Variants in MYO10 observed in about 807,000 individuals in gnomAD.
MYO10 encodes unconventional myosin-X.
A neutral mutation model predicts 257.3 loss-of-function variants in MYO10; 133 were observed. The observed-to-expected ratio is 0.52, with a 90% CI of 0.45 to 0.60. The LOEUF is 0.60. MYO10 is among the 20% of genes least tolerant of loss of function. The pLI, the probability that MYO10 is intolerant of heterozygous loss-of-function variation, is 0.00. For missense variants in MYO10, 2,399 were observed against 2,635.7 expected (o/e 0.91, Z 1.97); for synonymous variants, 1,104 against 1,028.6 (o/e 1.07, Z -1.40).
intron 1 of MYO10, among the ~76,000 whole-genome samples, chr5:16,933,312 A>G (rs1746346020): frequency 6.6e-6 from 1 of 152,176 alleles, no homozygotes; most frequent in Admixed American, 6.5e-5. Flanking sequence ...CTCCAACAAC[A>G]AAGAATTACT....
At chr5:16,727,224 C>A (rs1031557347) in intron 19 of MYO10, among the ~76,000 whole-genome samples, 2 of 152,110 alleles carry the variant, frequency 1.3e-5, no homozygotes, top group African/African-American at 4.8e-5. Flanking sequence ...AATGTGGCTA[C>A]TAGAAAACCT....
intron 19 of MYO10, among the ~76,000 whole-genome samples, chr5:16,733,246 G>A (rs1739658045): frequency 6.6e-6 from 1 of 152,060 alleles, no homozygotes; most frequent in Non-Finnish European, 1.5e-5. Flanking sequence ...AGACCACAAG[G>A]TCATCAGATT....
intron 19 of MYO10, among the ~76,000 whole-genome samples, chr5:16,745,260 A>G (rs1242360674): frequency 6.6e-6 from 1 of 152,138 alleles, no homozygotes; most frequent in African/African-American, 2.4e-5. Context: ...GAATTGCTTG[A>G]ACCCGGGGGA....
chr5:16,786,633 CAGT>C (rs1741589382), intron 4 of MYO10, among the ~76,000 whole-genome samples: 1 of 151,946 alleles, frequency 6.6e-6, no homozygotes, highest in Non-Finnish European at 1.5e-5. Flanking sequence ...GATGCTCGAC[CAGT>C]ATAATGCAAA....
Position 16,670,908 on chromosome 5 carries a change from C to G in MYO10, c.5501G>C (p.Arg1834Pro). ...ATAATCCCCCTGCAGATACTGGAGT[C>G]GCAGGGCAGCAAGAACCTGGAGGTT... ...EENLQVLAAL[R>P]LQYLQGDYTL... is the part of the protein sequence containing the mutation. Residue 1834 changes from arginine (R) to proline (P), a missense_variant, in exon 39 of 41, where the codon CGA becomes CCA. Physicochemically the swap from Arg to Pro is moderately radical, Grantham distance 103. Transcript: ENST00000513610. The G allele has an allele frequency of 6.2e-7, 1 of 1,613,816 alleles. No individual in the cohort carries two copies. Among genetic ancestry groups the G allele is most frequent in the Non-Finnish European group, 8.5e-7 (1 of 1,179,824 alleles).
intron 1 of MYO10, among the ~76,000 whole-genome samples, chr5:16,912,217 G>A (rs1394360221): frequency 1.3e-5 from 2 of 152,036 alleles, no homozygotes; most frequent in Non-Finnish European, 2.9e-5. Context: ...AGTTTTGTTC[G>A]GCCCACTAGG....
At chr5:16,717,564 C>A (rs1738925371) in intron 19 of MYO10, among the ~76,000 whole-genome samples, 1 of 152,192 alleles carries the variant, frequency 6.6e-6, no homozygotes, top group South Asian at 2.1e-4. Context: ...AGCCAAACAT[C>A]TGCATATGGA....
At chr5:16,686,612 G>A (rs777541397) in intron 28 of MYO10, among the ~76,000 whole-genome samples, 5 of 151,792 alleles carry the variant, frequency 3.3e-5, no homozygotes, top group Admixed American at 1.3e-4. Context: ...TCGGCTCACT[G>A]CAACCTCCGC....
At chr5:16,721,602 G>A (rs1281703130) in intron 19 of MYO10, among the ~76,000 whole-genome samples, 5 of 152,176 alleles carry the variant, frequency 3.3e-5, no homozygotes, top group Non-Finnish European at 2.9e-5. Flanking sequence ...CCTGACTGGC[G>A]AGCAAGCTGT....
chr5:16,703,645 G>A (rs1158660923), intron 22 of MYO10, among the ~76,000 whole-genome samples: 3 of 152,070 alleles, frequency 2.0e-5, no homozygotes, highest in Non-Finnish European at 4.4e-5. Context: ...TTGGGAAGCC[G>A]AGGCAGGCGG....
intron 19 of MYO10, among the ~76,000 whole-genome samples, chr5:16,718,188 G>A (rs1480784271): frequency 1.3e-5 from 2 of 152,186 alleles, no homozygotes; most frequent in African/African-American, 4.8e-5. Context: ...CTGCCTTCCC[G>A]TGGAGCAAGG....
At chr5:16,680,215 C>G (rs1357883058) in intron 32 of MYO10, 111 bp from the exon 33 acceptor site, 2 of 1,306,150 alleles carry the variant, frequency 1.5e-6, no homozygotes, top group Non-Finnish European at 2.1e-6. Flanking sequence ...ATTCAATAGA[C>G]ACTGGCTTAA....
chr5:16,712,741 T>C (rs1369891640), intron 19 of MYO10, among the ~76,000 whole-genome samples: 1 of 152,242 alleles, frequency 6.6e-6, no homozygotes, highest in Admixed American at 6.5e-5. Context: ...TCATATTTAA[T>C]TTCTTCTACA....
At chr5:16,738,147 C>G (rs1306887114) in intron 19 of MYO10, 1 of 985,262 alleles carries the variant, frequency 1.0e-6, no homozygotes, top group East Asian at 1.1e-4. Flanking sequence ...TAGCCTGGAG[C>G]TGAAGGAGAG....
At chr5:16,721,034 G>A (rs574725593) in intron 19 of MYO10, among the ~76,000 whole-genome samples, 18 of 152,196 alleles carry the variant, frequency 1.2e-4, no homozygotes, top group Admixed American at 3.3e-4. Context: ...TCCATTATGG[G>A]ATATACCTCT....
At chr5:16,865,724 T>C (rs948787702) in intron 2 of MYO10, among the ~76,000 whole-genome samples, 4 of 151,538 alleles carry the variant, frequency 2.6e-5, no homozygotes, top group African/African-American at 9.7e-5. Context: ...GACAGGAGAC[T>C]TGCTTGAACC....
chr5:16,801,776 T>G (rs932975565), intron 3 of MYO10, among the ~76,000 whole-genome samples: 1 of 136,012 alleles, frequency 7.4e-6, no homozygotes, highest in Non-Finnish European at 1.5e-5. Context: ...ACTTTCTTAT[T>G]CTTTTTTGCA....
At chr5:16,783,163 C>A (rs1741472294) in intron 5 of MYO10, among the ~76,000 whole-genome samples, 172 bp downstream of exon 5, 1 of 152,182 alleles carries the variant, frequency 6.6e-6, no homozygotes, top group Non-Finnish European at 1.5e-5. Context: ...GGAGTTGTTG[C>A]TGGGTTCATG....
At position 16,674,847 on chromosome 5, in the gene MYO10, C is replaced by T. The variant is rs1343130661; in HGVS notation, c.4964+6G>A. 1.9e-6 allele frequency: 3 copies of T among 1,613,600 alleles called. No homozygotes were observed. In the Admixed American group the frequency reaches 5.0e-5, roughly 27 times the overall value. Reference sequence around the variant, plus strand: ...CCAGCTCATCTCCCGTGCCCCCATGCTTTACCTTTTCAGATGGAACTTGAG... The same window carrying T: ...CCAGCTCATCTCCCGTGCCCCCATGTTTTACCTTTTCAGATGGAACTTGAG... On this transcript the variant is annotated splice_donor_region_variant and intron_variant, in intron 35 of 40. Transcript: ENST00000513610.
Sources: allele counts gnomAD v4.1 joint callset (sites outside exome capture counted in the v4.1 genomes callset), GRCh38; gene constraint gnomAD v4.1.1; transcripts MANE v1.5; gene names NCBI Gene and HGNC (gene_info 2026-07-23, HGNC 2026-07-21).